The following RPS6KC1 variants were observed in gnomAD, a reference collection of about 807,000 sequenced individuals.
RPS6KC1 encodes the protein inactive ribosomal protein S6 kinase delta-1.
RPS6KC1 carries 54 observed loss-of-function variants against 103.8 expected under a neutral mutation model. The observed-to-expected ratio is 0.52, with a 90% CI of 0.42 to 0.65. The LOEUF (loss-of-function observed/expected upper bound fraction) is 0.65, where lower values mean the gene tolerates loss of function less well. Among genes scored for constraint, RPS6KC1 ranks in the 30% least tolerant of loss-of-function variants. The pLI is 0.00. For synonymous variants in RPS6KC1, 439 were observed against 438.7 expected (o/e 1.00, Z -0.01); for missense variants, 1,151 against 1,253.8 (o/e 0.92, Z 1.24).
chr1:213,794,925 T>C, the RPS6KC1 span, among the ~76,000 whole-genome samples: 1 of 152,124 alleles, frequency 6.6e-6, no homozygotes, highest in Non-Finnish European at 1.5e-5. Context: ...AAAATATAAA[T>C]AGATCATAAA....
chr1:213,118,357 C>T (rs1177072679), intron 5 of RPS6KC1, among the ~76,000 whole-genome samples: 2 of 151,542 alleles, frequency 1.3e-5, no homozygotes, highest in Non-Finnish European at 1.5e-5. Flanking sequence ...TTTTTAAAAT[C>T]AAAATAGATA....
the RPS6KC1 span, among the ~76,000 whole-genome samples, chr1:213,348,458 T>G: frequency 5.9e-5 from 9 of 152,212 alleles, no homozygotes; most frequent in African/African-American, 2.2e-4. Context: ...AAACTGTTCT[T>G]GCTCTTAAAA....
At chr1:213,577,760 T>C in the RPS6KC1 span, among the ~76,000 whole-genome samples, 1 of 152,216 alleles carries the variant, frequency 6.6e-6, no homozygotes, top group South Asian at 2.1e-4. Context: ...GACTTGGCTG[T>C]TCTTAAAAAC....
the RPS6KC1 span, among the ~76,000 whole-genome samples, chr1:213,826,613 C>A: frequency 1.3e-5 from 2 of 152,162 alleles, no homozygotes; most frequent in Non-Finnish European, 2.9e-5. Context: ...AAAAGCAGGG[C>A]ATTAAACCAA....
At chr1:213,292,793 A>G in the RPS6KC1 span, among the ~76,000 whole-genome samples, 1 of 152,218 alleles carries the variant, frequency 6.6e-6, no homozygotes, top group Non-Finnish European at 1.5e-5. Flanking sequence ...TTAAACTATG[A>G]TCGGGTAATT....
chr1:213,839,668 G>A, the RPS6KC1 span: 1 of 152,066 alleles, frequency 6.6e-6, no homozygotes, highest in Non-Finnish European at 1.5e-5. Context: ...TTCTCCTCAG[G>A]TGTTCATTAC....
the RPS6KC1 span, among the ~76,000 whole-genome samples, chr1:213,382,223 C>T: frequency 6.6e-6 from 1 of 152,200 alleles, no homozygotes; most frequent in Non-Finnish European, 1.5e-5. Context: ...CACTTTTCAG[C>T]TTTTCTCCCC....
chr1:213,385,968 G>A, the RPS6KC1 span, among the ~76,000 whole-genome samples: 3 of 152,196 alleles, frequency 2.0e-5, no homozygotes, highest in African/African-American at 7.2e-5. Flanking sequence ...GTGTGTCTCA[G>A]TGCTGTAGTT....
At chr1:213,128,085 G>A (rs1228157746) in intron 5 of RPS6KC1, among the ~76,000 whole-genome samples, 1 of 152,068 alleles carries the variant, frequency 6.6e-6, no homozygotes, top group Non-Finnish European at 1.5e-5. Context: ...ATTTGAAAAG[G>A]CTAATACTTG....
chr1:213,072,674 ATATATG>A (rs1397494406), intron 2 of RPS6KC1, among the ~76,000 whole-genome samples: 1 of 152,222 alleles, frequency 6.6e-6, no homozygotes, highest in East Asian at 1.9e-4. Context: ...ATACATACAT[ATATATG>A]TATCAGTGAA....
At chr1:213,460,770 T>C in the RPS6KC1 span, among the ~76,000 whole-genome samples, 6 of 152,224 alleles carry the variant, frequency 3.9e-5, no homozygotes, top group African/African-American at 7.2e-5. Context: ...GGAGCTCTTG[T>C]AAGACAGGCC....
At chr1:213,187,486 T>C (rs1158211589) in intron 8 of RPS6KC1, among the ~76,000 whole-genome samples, 1 of 152,124 alleles carries the variant, frequency 6.6e-6, no homozygotes, top group Non-Finnish European at 1.5e-5. Context: ...CCTCAAGTGA[T>C]CCACCTGCCT....
At chr1:213,537,682 C>T in the RPS6KC1 span, among the ~76,000 whole-genome samples, 1 of 152,006 alleles carries the variant, frequency 6.6e-6, no homozygotes, top group Admixed American at 6.6e-5. Context: ...TGGTAGTCAC[C>T]CAGAATTCTA....
At chr1:213,348,375 C>T in the RPS6KC1 span, among the ~76,000 whole-genome samples, 1 of 152,148 alleles carries the variant, frequency 6.6e-6, no homozygotes, top group Non-Finnish European at 1.5e-5. Context: ...TTGCCATTGA[C>T]TCATTTTGGA....
At chr1:213,103,623 CTA>C (rs1288493657) in intron 3 of RPS6KC1, among the ~76,000 whole-genome samples, 20 of 152,132 alleles carry the variant, frequency 1.3e-4, no homozygotes, top group Non-Finnish European at 2.5e-4. Context: ...GCCTATATAA[CTA>C]GGAATCTCTT....
At chr1:213,541,027 C>T in the RPS6KC1 span, among the ~76,000 whole-genome samples, 1 of 151,794 alleles carries the variant, frequency 6.6e-6, no homozygotes, top group African/African-American at 2.4e-5. Context: ...CTTGCAATTT[C>T]TACCACATCC....
chr1:213,772,119 G>A, the RPS6KC1 span, among the ~76,000 whole-genome samples: 1 of 152,274 alleles, frequency 6.6e-6, no homozygotes, highest in East Asian at 1.9e-4. Flanking sequence ...AAGTCCTTAA[G>A]TTGGAGGAAA....
chr1:213,272,720 TTATG>T lies in RPS6KC1; in HGVS notation c.*87_*90del. 1.1e-6 allele frequency: 1 copy of T among 936,676 alleles called. No individual in the cohort carries two copies. Among genetic ancestry groups the T allele is most frequent in the Non-Finnish European group, 1.7e-6 (1 of 580,564 alleles). The allele number at this position is 936,676 out of a possible 1,614,324, so 58.0% of individuals were successfully genotyped here. On this transcript the variant is annotated 3_prime_UTR_variant, in exon 15 of 15. Coordinates refer to ENST00000366960, the MANE Select transcript of RPS6KC1 (RefSeq NM_012424.6). ...TGAGGCACCTCTGACTCACAGTTACTTATGGAGCACCAAAGCATTTGGATAAAGA... is the reference window on the plus strand; with the variant it reads ...TGAGGCACCTCTGACTCACAGTTACTGAGCACCAAAGCATTTGGATAAAGA...
chr1:213,131,723 C>T (rs1325043288), intron 6 of RPS6KC1, among the ~76,000 whole-genome samples: 14 of 152,186 alleles, frequency 9.2e-5, no homozygotes, highest in African/African-American at 2.7e-4. Flanking sequence ...GGATTACAGG[C>T]GTGAGCCACT....
Sources: allele counts gnomAD v4.1 joint callset (sites outside exome capture counted in the v4.1 genomes callset), GRCh38; gene constraint gnomAD v4.1.1; transcripts MANE v1.5; gene names NCBI Gene and HGNC (gene_info 2026-07-23, HGNC 2026-07-21).